The following HPSE2 variants were observed in gnomAD, a reference collection of about 807,000 sequenced individuals.
HPSE2 encodes the protein inactive heparanase-2.
In HPSE2, 38 loss-of-function variants were observed where a neutral mutation model predicts 60.5. That is an observed-to-expected ratio of 0.63 (90% confidence interval 0.48 to 0.82). HPSE2 has a LOEUF of 0.82. Ranked by LOEUF, HPSE2 falls within the 40% of genes least tolerant of loss-of-function variation. The pLI is 0.00. For missense variants in HPSE2, 713 were observed against 740.4 expected, an observed-to-expected ratio of 0.96 and a Z score of 0.43; for synonymous variants, 295 against 293.2, an observed-to-expected ratio of 1.01 and a Z score of -0.06.
chr10:98,625,132 T>C (rs1327825499), intron 7 of HPSE2, among the ~76,000 whole-genome samples: 1 of 152,256 alleles, frequency 6.6e-6, no homozygotes, highest in African/African-American at 2.4e-5. Context: ...TGCAATTCCA[T>C]ACCTGCCCTT....
At chr10:99,294,626 T>A in the HPSE2 span, among the ~76,000 whole-genome samples, 1 of 151,604 alleles carries the variant, frequency 6.6e-6, no homozygotes, top group Admixed American at 6.6e-5. Flanking sequence ...GAGAGATATT[T>A]CAAGAGCTTT....
chr10:99,075,966 T>C (rs1842939310), intron 3 of HPSE2, among the ~76,000 whole-genome samples: 1 of 152,198 alleles, frequency 6.6e-6, no homozygotes. Context: ...GTTTTTTAAT[T>C]CATTCAGCCA....
chr10:98,516,674 G>T (rs562821118), intron 9 of HPSE2, among the ~76,000 whole-genome samples: 1 of 152,126 alleles, frequency 6.6e-6, no homozygotes, highest in Non-Finnish European at 1.5e-5. Flanking sequence ...TGCAGGGAAA[G>T]GCAAGAGGTA....
intron 3 of HPSE2, among the ~76,000 whole-genome samples, chr10:99,099,541 G>A (rs944909680): frequency 6.6e-6 from 1 of 152,224 alleles, no homozygotes; most frequent in African/African-American, 2.4e-5. Flanking sequence ...AAGCCTGCCT[G>A]CCTCTGTAGG....
the HPSE2 span, among the ~76,000 whole-genome samples, chr10:99,257,165 CTG>C: frequency 6.6e-6 from 1 of 152,142 alleles, no homozygotes; most frequent in Non-Finnish European, 1.5e-5. Flanking sequence ...CCTCAGGACA[CTG>C]TGATGATTGC....
At chr10:98,969,796 G>A (rs1249892886) in intron 3 of HPSE2, among the ~76,000 whole-genome samples, 1 of 152,090 alleles carries the variant, frequency 6.6e-6, no homozygotes, top group African/African-American at 2.4e-5. Flanking sequence ...AAAGAAAAGA[G>A]GTTTAATTGG....
intron 9 of HPSE2, among the ~76,000 whole-genome samples, chr10:98,520,701 G>A (rs1172286499): frequency 6.6e-6 from 1 of 152,024 alleles, no homozygotes; most frequent in Non-Finnish European, 1.5e-5. Flanking sequence ...AACTTCCAAA[G>A]TGTATTGTTG....
chr10:98,755,215 G>T (rs1227340306), intron 3 of HPSE2, among the ~76,000 whole-genome samples: 4 of 152,028 alleles, frequency 2.6e-5, no homozygotes, highest in African/African-American at 9.7e-5. Context: ...AAGAGTAAGG[G>T]TTGCTAATCC....
chr10:98,580,894 T>C (rs1300072670), intron 9 of HPSE2, among the ~76,000 whole-genome samples: 3 of 148,872 alleles, frequency 2.0e-5, no homozygotes, highest in African/African-American at 7.5e-5. Context: ...AATATATATA[T>C]ATGGCTTTTA....
At chr10:98,672,004 C>T (rs1046085601) in intron 6 of HPSE2, among the ~76,000 whole-genome samples, 17 of 152,236 alleles carry the variant, frequency 1.1e-4, no homozygotes, top group Admixed American at 3.9e-4. Flanking sequence ...TAATGTTTGA[C>T]GACATTTTTC....
chr10:98,863,778 T>C (rs965920831), intron 3 of HPSE2, among the ~76,000 whole-genome samples: 3 of 152,188 alleles, frequency 2.0e-5, no homozygotes, highest in African/African-American at 7.2e-5. Flanking sequence ...AAATATTTTA[T>C]ATTCAAGCTC....
intron 9 of HPSE2, among the ~76,000 whole-genome samples, chr10:98,512,784 T>C (rs1161751317): frequency 2.9e-5 from 2 of 68,356 alleles, no homozygotes; most frequent in Non-Finnish European, 7.6e-5. Context: ...ACTCCACTCC[T>C]CCCAGACCCA....
chr10:99,297,262 A>G, the HPSE2 span, among the ~76,000 whole-genome samples: 1 of 152,152 alleles, frequency 6.6e-6, no homozygotes, highest in African/African-American at 2.4e-5. Context: ...GTTACCACCC[A>G]TGCAAGCCCT....
intron 9 of HPSE2, among the ~76,000 whole-genome samples, chr10:98,547,333 C>G (rs907698867): frequency 4.7e-4 from 69 of 146,794 alleles, no homozygotes; most frequent in East Asian, 3.2e-3. Context: ...ATAAATCATG[C>G]TGCTATAAAG....
At chr10:98,843,176 CTCT>C (rs1490958192) in intron 3 of HPSE2, among the ~76,000 whole-genome samples, 3 of 82,492 alleles carry the variant, frequency 3.6e-5, no homozygotes, top group African/African-American at 7.1e-5. Context: ...TTTCCTGATA[CTCT>C]TCCTCCTCCT....
At chr10:98,541,612 C>G (rs1270884413) in intron 9 of HPSE2, among the ~76,000 whole-genome samples, 1 of 152,226 alleles carries the variant, frequency 6.6e-6, no homozygotes, top group Non-Finnish European at 1.5e-5. Context: ...GTCACTCCCA[C>G]CCGAATACTG....
chr10:98,729,317 A>G (rs369275016), intron 4 of HPSE2, among the ~76,000 whole-genome samples: 31 of 152,174 alleles, frequency 2.0e-4, no homozygotes, highest in African/African-American at 7.0e-4. Context: ...TTTAAAAGGT[A>G]GACTATGTAG....
chr10:98,589,592 C>A (rs561708554), intron 9 of HPSE2, among the ~76,000 whole-genome samples: 63 of 152,318 alleles, frequency 4.1e-4, no homozygotes, highest in African/African-American at 1.4e-3. Flanking sequence ...CCCTCTCATA[C>A]ATGACAGCCT....
the HPSE2 span, among the ~76,000 whole-genome samples, chr10:99,282,368 CAAAT>C: frequency 6.6e-6 from 1 of 152,022 alleles, no homozygotes; most frequent in Non-Finnish European, 1.5e-5. Flanking sequence ...AGTCCCAAAA[CAAAT>C]AAAGCAAAAA....
Sources: allele counts gnomAD v4.1 joint callset (sites outside exome capture counted in the v4.1 genomes callset), GRCh38; gene constraint gnomAD v4.1.1; transcripts MANE v1.5; gene names NCBI Gene and HGNC (gene_info 2026-07-23, HGNC 2026-07-21).